KNOP1: variants seen among roughly 807,000 people sequenced by gnomAD.
KNOP1 encodes the protein lysine-rich nucleolar protein 1.
A neutral mutation model predicts 30.6 loss-of-function variants in KNOP1; 20 were observed. The observed-to-expected ratio is 0.65, with a 90% CI of 0.46 to 0.95. KNOP1 has a LOEUF of 0.95. Among genes scored for constraint, KNOP1 ranks in the 40% least tolerant of loss-of-function variants. The pLI is 0.00. For missense variants in KNOP1, 540 were observed against 562.0 expected, an observed-to-expected ratio of 0.96 and a Z score of 0.40; for synonymous variants, 204 against 210.0, an observed-to-expected ratio of 0.97 and a Z score of 0.25.
At chr16:19,712,236 G>A (rs1483358648) in intron 2 of KNOP1, 3 of 152,190 alleles carry the variant, frequency 2.0e-5, no homozygotes, top group African/African-American at 7.2e-5. Flanking sequence ...AAAGGAAGAT[G>A]CTGGTAAAAC....
At chr16:19,710,664 G>A (rs1976665150) in intron 3 of KNOP1, 78 bp from the exon 4 acceptor site, 1 of 1,225,440 alleles carries the variant, frequency 8.2e-7, no homozygotes, top group Admixed American at 1.7e-5. Context: ...CAGAGACGGG[G>A]CTGGGGGAAC....
chr16:19,710,467 C>G (rs200161634), intron 4 of KNOP1, 42 bp downstream of exon 4: 2 of 1,601,416 alleles, frequency 1.2e-6, no homozygotes, highest in Non-Finnish European at 1.7e-6. Flanking sequence ...GTCGGGAGGC[C>G]GAGCGTGCCA....
chr16:19,706,551 C>T lies in KNOP1; in HGVS notation c.*359G>A, dbSNP rs756057692. On this transcript the variant is annotated 3_prime_UTR_variant, in exon 5 of 5. Coordinates refer to ENST00000219837, the MANE Select transcript of KNOP1 (RefSeq NM_001012991.3). ...TACATACTGATGTCTCAAACAGGGA[C>T]GGAATGTTTAACACAGAAAACAGGA... 103 of 267,074 alleles carry T rather than the reference C, an allele frequency of 3.9e-4. No individual in the cohort carries two copies. Among genetic ancestry groups the T allele is most frequent in the Non-Finnish European group, 3.6e-4 (51 of 140,354 alleles). The allele number at this position is 267,074 out of a possible 1,614,324, so 16.5% of individuals were successfully genotyped here. A position where few individuals can be genotyped will look rare whatever the true frequency, so the allele number is the denominator to read the frequency against.
At chr16:19,711,309 C>T in intron 3 of KNOP1, 63 bp downstream of exon 3, 1 of 1,534,552 alleles carries the variant, frequency 6.5e-7, no homozygotes, top group Non-Finnish European at 9.0e-7. Context: ...TGGCAGGCAG[C>T]AAGTGAGACT....
chr16:19,716,984 A>C (rs1403011924), intron 1 of KNOP1, among the ~76,000 whole-genome samples: 1 of 152,178 alleles, frequency 6.6e-6, no homozygotes, highest in Non-Finnish European at 1.5e-5. Context: ...CCGGGATTAC[A>C]GGCACATACC....
At chr16:19,711,230 G>A in intron 3 of KNOP1, 142 bp downstream of exon 3, 2 of 775,612 alleles carry the variant, frequency 2.6e-6, no homozygotes. Context: ...CGGGAGGTGT[G>A]CGTTGGCAGC....
rs1229404332 is a variant in KNOP1 at position 19,704,547 on chromosome 16, C to T, written c.*2363G>A. 7 of 152,222 alleles carry T rather than the reference C, an allele frequency of 4.6e-5. 1 individual carries two copies. In the East Asian group the frequency reaches 1.2e-3, roughly 25 times the overall value. 9.4% of individuals were successfully genotyped at this position (152,222 alleles called of 1,614,324 possible). A position where few individuals can be genotyped will look rare whatever the true frequency, so the allele number is the denominator to read the frequency against. Reference sequence around the variant, plus strand: ...CAGAGGTTACAATGAGCCGAGATCACGCCACCACACTCCAGCCTGCGCGAC... The same window carrying T: ...CAGAGGTTACAATGAGCCGAGATCATGCCACCACACTCCAGCCTGCGCGAC... On this transcript the variant is annotated 3_prime_UTR_variant, in exon 5 of 5. Coordinates refer to ENST00000219837, the MANE Select transcript of KNOP1 (RefSeq NM_001012991.3).
At chr16:19,711,313 T>C in intron 3 of KNOP1, 59 bp downstream of exon 3, 1 of 1,550,864 alleles carries the variant, frequency 6.4e-7, no homozygotes, top group South Asian at 1.1e-5. Context: ...AGGCAGCAAG[T>C]GAGACTCCAA....
At chr16:19,710,229 T>G in intron 4 of KNOP1, 1 of 517,240 alleles carries the variant, frequency 1.9e-6, no homozygotes, top group South Asian at 2.2e-5. Context: ...CCTCAGTGAT[T>G]AATCCTTAGG....
Position 19,706,793 on chromosome 16 carries a change from T to C in KNOP1, c.*117A>G. 9.7e-7 allele frequency: 1 copy of C among 1,029,636 alleles called. No individual in the cohort carries two copies. The highest frequency in any genetic ancestry group is 2.2e-5 in the Admixed American group (1 of 44,688). The allele number at this position is 1,029,636 out of a possible 1,614,324, so 63.8% of individuals were successfully genotyped here. A position where few individuals can be genotyped will look rare whatever the true frequency, so the allele number is the denominator to read the frequency against. ...AAGCTTATGGGAGTTATTTATATCT[T>C]ACTGCTCGAGGTCCTCACCAAGATC... On this transcript the variant is annotated 3_prime_UTR_variant, in exon 5 of 5. Coordinates refer to ENST00000219837, the MANE Select transcript of KNOP1 (RefSeq NM_001012991.3).
Position 19,705,347 on chromosome 16 carries a change from C to A in KNOP1, c.*1563G>T, listed in dbSNP as rs1013344289. 1.1e-4 allele frequency: 48 copies of A among 437,858 alleles called. No individual in the cohort carries two copies. The highest frequency in any genetic ancestry group is 2.2e-4 in the Non-Finnish European group (48 of 216,814). The allele number at this position is 437,858 out of a possible 1,614,324, so 27.1% of individuals were successfully genotyped here. A position where few individuals can be genotyped will look rare whatever the true frequency, so the allele number is the denominator to read the frequency against. On this transcript the variant is annotated 3_prime_UTR_variant, in exon 5 of 5. Transcript: ENST00000219837. ...GATCGTGAAAATGTCCCAGTCAGAACCTGTATTTTGGGATGCAAAAAGCTA... is the reference window on the plus strand; with the variant it reads ...GATCGTGAAAATGTCCCAGTCAGAAACTGTATTTTGGGATGCAAAAAGCTA...
At position 19,703,136 on chromosome 16, in the gene KNOP1, A is replaced by G. The variant is rs1232926874; in HGVS notation, c.*3774T>C. On this transcript the variant is annotated 3_prime_UTR_variant, in exon 5 of 5. Transcript: ENST00000219837. ...CATAATGTTGTCATCTGACGGTTCTATAGGTCTTAAGTCCGCCTGGTCTCA... is the reference window on the plus strand; with the variant it reads ...CATAATGTTGTCATCTGACGGTTCTGTAGGTCTTAAGTCCGCCTGGTCTCA... 6.6e-6 allele frequency: 1 copy of G among 152,216 alleles called. No homozygotes were observed. Among genetic ancestry groups the G allele is most frequent in the Non-Finnish European group, 1.5e-5 (1 of 68,058 alleles). 9.4% of individuals were successfully genotyped at this position (152,216 alleles called of 1,614,324 possible). A position where few individuals can be genotyped will look rare whatever the true frequency, so the allele number is the denominator to read the frequency against.
chr16:19,706,483 G>C lies in KNOP1; in HGVS notation c.*427C>G. ...ATTAAATACATTAAGGAAAACACTA[G>C]TATGTCCCTAGTACCTGCTAAACAC... On this transcript the variant is annotated 3_prime_UTR_variant, in exon 5 of 5. Transcript: ENST00000219837. 1 of 166,822 alleles carries C rather than the reference G, an allele frequency of 6.0e-6. No individual in the cohort carries two copies. The highest frequency in any genetic ancestry group is 1.3e-5 in the Non-Finnish European group (1 of 78,310). 10.3% of individuals were successfully genotyped at this position (166,822 alleles called of 1,614,324 possible).
chr16:19,715,340 G>C, intron 1 of KNOP1: 1 of 280,870 alleles, frequency 3.6e-6, no homozygotes, highest in Non-Finnish European at 6.6e-6. Context: ...TCCTCAAAAG[G>C]GTGTTGGAGG....
At chr16:19,708,190 G>C (rs914322034) in intron 4 of KNOP1, among the ~76,000 whole-genome samples, 1 of 151,366 alleles carries the variant, frequency 6.6e-6, no homozygotes, top group South Asian at 2.1e-4. Context: ...TGGCGGGAAC[G>C]GGTGCGGGCC....
intron 2 of KNOP1, among the ~76,000 whole-genome samples, chr16:19,713,298 G>C (rs943901674): frequency 1.3e-5 from 2 of 152,094 alleles, no homozygotes; most frequent in African/African-American, 4.8e-5. Flanking sequence ...TCACCATGTT[G>C]GCCAGGCTGG....
At chr16:19,717,134 C>T (rs1181780888) in intron 1 of KNOP1, among the ~76,000 whole-genome samples, 2 of 152,202 alleles carry the variant, frequency 1.3e-5, no homozygotes, top group Non-Finnish European at 2.9e-5. Flanking sequence ...TGAGCCACCA[C>T]GCCCGGCCCT....
chr16:19,702,049 T>C lies in KNOP1; in HGVS notation c.*4861A>G, dbSNP rs191070830. On this transcript the variant is annotated 3_prime_UTR_variant, in exon 5 of 5. Transcript: ENST00000219837. ...CCCAGGCTGGAGTACAATGGCGTGA[T>C]CTCGGCTCACCCCAACCTCCGCCTC... The C allele has an allele frequency of 1.6e-3, 251 of 152,238 alleles. 2 individuals are homozygous for C. Among genetic ancestry groups the C allele is most frequent in the Middle Eastern group, 0.01 (3 of 300 alleles). The allele number at this position is 152,238 out of a possible 1,614,324, so 9.4% of individuals were successfully genotyped here.
chr16:19,708,706 G>A (rs147179973), intron 4 of KNOP1, among the ~76,000 whole-genome samples: 19 of 152,296 alleles, frequency 1.2e-4, no homozygotes, highest in African/African-American at 4.6e-4. Context: ...ATAAGAACCA[G>A]TTGTCACTAC....
Sources: gnomAD v4.1 joint callset for allele counts (sites outside exome capture counted in the v4.1 genomes callset) on GRCh38, gnomAD v4.1.1 for gene constraint, MANE v1.5 for transcripts, NCBI Gene and HGNC (gene_info 2026-07-23, HGNC 2026-07-21) for gene names.